Variants in PTPRZ1 observed in about 807,000 individuals in gnomAD.
PTPRZ1 encodes protein tyrosine phosphatase receptor type Z1.
In PTPRZ1, 82 loss-of-function variants were observed where a neutral mutation model predicts 214.1. The ratio of observed to expected loss-of-function variants is 0.38; its 90% CI spans 0.32 to 0.46. The LOEUF is 0.46. PTPRZ1 is among the 20% of genes least tolerant of loss of function. The pLI, the probability that PTPRZ1 is intolerant of heterozygous loss-of-function variation, is 1.00. For synonymous variants in PTPRZ1, 945 were observed against 987.9 expected (o/e 0.96, Z 0.81); for missense variants, 2,603 against 2,748.7 (o/e 0.95, Z 1.19).
intron 29 of PTPRZ1, 86 bp from the exon 30 acceptor site, chr7:122,060,994 A>T: frequency 1.5e-6 from 2 of 1,358,300 alleles, no homozygotes; most frequent in South Asian, 2.9e-5. Flanking sequence ...ACAGTGCTGA[A>T]GTGTGTCTAA....
chr7:121,967,188 G>A (rs1208887431), intron 2 of PTPRZ1, among the ~76,000 whole-genome samples: 1 of 152,112 alleles, frequency 6.6e-6, no homozygotes, highest in Non-Finnish European at 1.5e-5. Flanking sequence ...TTTAGAGGAC[G>A]CTTCATACTG....
intron 2 of PTPRZ1, among the ~76,000 whole-genome samples, chr7:121,941,780 G>A (rs1031055994): frequency 2.0e-5 from 3 of 152,164 alleles, no homozygotes; most frequent in Non-Finnish European, 4.4e-5. Context: ...ACTGTACCAG[G>A]TGAACTTCTT....
chr7:121,985,325 C>T (rs746869489), intron 8 of PTPRZ1, among the ~76,000 whole-genome samples: 1 of 152,022 alleles, frequency 6.6e-6, no homozygotes, highest in Non-Finnish European at 1.5e-5. Context: ...TATAATAGAC[C>T]AAATTACTAA....
intron 10 of PTPRZ1, among the ~76,000 whole-genome samples, chr7:122,000,965 T>C (rs1413350547): frequency 1.3e-5 from 2 of 151,936 alleles, no homozygotes; most frequent in Non-Finnish European, 2.9e-5. Flanking sequence ...ATCACAGGCG[T>C]GAGCCACCGC....
Position 122,013,739 on chromosome 7 carries a change from T to A in PTPRZ1, c.4693T>A (p.Ser1565Thr), listed in dbSNP as rs1213519317. 2.5e-6 allele frequency: 4 copies of A among 1,614,124 alleles called. No homozygotes were observed. The South Asian group carries it at 4.4e-5, about 18-fold the overall frequency. Residue 1565 changes from serine (S) to threonine (T), a missense_variant, in exon 12 of 30, where the codon TCC becomes ACC. By Grantham distance (58) the Ser-to-Thr change is moderately conservative. Transcript: ENST00000393386. ...AGATAGCCTTAATGAGAATGAGACT[T>A]CCACAGATTTCAGTTTTGCAGACAC... is the stretch of plus-strand genomic sequence containing the variant. ...TSDSLNENET[S>T]TDFSFADTNE...
At chr7:122,057,851 T>C (rs1256890847) in intron 27 of PTPRZ1, among the ~76,000 whole-genome samples, 2 of 151,786 alleles carry the variant, frequency 1.3e-5, no homozygotes, top group East Asian at 3.8e-4. Flanking sequence ...TGTATTATAT[T>C]TTGTGAGACA....
chr7:121,903,964 T>TCACACACACACACA (rs200372497), intron 1 of PTPRZ1, among the ~76,000 whole-genome samples: 1 of 81,616 alleles, frequency 1.2e-5, no homozygotes, highest in African/African-American at 5.6e-5. Context: ...AGTCTTTAAA[T>TCACACACACACACA]CTCACACACA....
At chr7:122,028,880 T>A (rs1278001064) in intron 14 of PTPRZ1, among the ~76,000 whole-genome samples, 1 of 152,080 alleles carries the variant, frequency 6.6e-6, no homozygotes, top group East Asian at 1.9e-4. Context: ...AGTTTATAAT[T>A]GTTCAGGTGT....
At chr7:121,929,503 GAAAA>G (rs10717646) in intron 2 of PTPRZ1, among the ~76,000 whole-genome samples, 82 of 141,964 alleles carry the variant, frequency 5.8e-4, no homozygotes, top group African/African-American at 2.0e-3. Flanking sequence ...TACCGAGTAG[GAAAA>G]AAAAAAAAAA....
chr7:121,962,413 A>G (rs1057283668), intron 2 of PTPRZ1, among the ~76,000 whole-genome samples: 2 of 151,376 alleles, frequency 1.3e-5, no homozygotes, highest in Non-Finnish European at 2.9e-5. Context: ...GCACCACTGC[A>G]CTCCAGCCTG....
intron 21 of PTPRZ1, among the ~76,000 whole-genome samples, chr7:122,041,646 T>G (rs1799736689): frequency 6.6e-6 from 1 of 152,210 alleles, no homozygotes. Flanking sequence ...ATAATAGCAG[T>G]TAATATTTAT....
At chr7:121,928,048 T>C in intron 1 of PTPRZ1, 108 bp from the exon 2 acceptor site, 1 of 766,110 alleles carries the variant, frequency 1.3e-6, no homozygotes. Context: ...GAAGATGACA[T>C]GGAAAGGAGT....
Position 122,058,231 on chromosome 7 carries a change from A to T in PTPRZ1, c.6529-569A>T, listed in dbSNP as rs113346560. On this transcript the variant is annotated intron_variant, in intron 27 of 29. Transcript: ENST00000393386. ...TTTTTAAAAAAGGTATCATTTTTTT[A>T]AAAAAGTACACTTTTGGAAGCTGGA... Among the ~76,000 whole-genome samples the T allele has an allele frequency of 5.4e-3, 823 of 151,984 alleles. 7 individuals carry two copies. Among genetic ancestry groups the T allele is most frequent in the African/African-American group, 0.019 (783 of 41,496 alleles).
At chr7:121,918,045 TAA>T (rs76675001) in intron 1 of PTPRZ1, among the ~76,000 whole-genome samples, 7 of 142,456 alleles carry the variant, frequency 4.9e-5, no homozygotes, top group South Asian at 2.2e-4. Context: ...CTAGACCGGC[TAA>T]AAAAAAAAAA....
intron 10 of PTPRZ1, among the ~76,000 whole-genome samples, chr7:122,004,218 A>G (rs1315575342): frequency 1.3e-5 from 2 of 152,186 alleles, no homozygotes; most frequent in Non-Finnish European, 2.9e-5. Flanking sequence ...TTCCCCAACC[A>G]TGCTTTTATC....
At chr7:121,941,870 A>T (rs1796247416) in intron 2 of PTPRZ1, among the ~76,000 whole-genome samples, 2 of 152,140 alleles carry the variant, frequency 1.3e-5, no homozygotes, top group South Asian at 4.1e-4. Flanking sequence ...TTAGTGTGAA[A>T]ATATATTCTC....
intron 1 of PTPRZ1, among the ~76,000 whole-genome samples, chr7:121,913,297 C>T (rs1194180990): frequency 6.6e-6 from 1 of 152,160 alleles, no homozygotes; most frequent in African/African-American, 2.4e-5. Flanking sequence ...AGGCTTCCCA[C>T]TCAGTGTGCT....
intron 28 of PTPRZ1, 90 bp downstream of exon 28, chr7:122,059,032 G>A: frequency 8.0e-7 from 1 of 1,247,616 alleles, no homozygotes; most frequent in East Asian, 2.5e-5. Context: ...TAATGCTTTG[G>A]ACCCACTGTG....
At chr7:121,887,696 G>A (rs1274151523) in intron 1 of PTPRZ1, among the ~76,000 whole-genome samples, 1 of 152,126 alleles carries the variant, frequency 6.6e-6, no homozygotes, top group East Asian at 1.9e-4. Flanking sequence ...AGAAACACGA[G>A]AGAAAGAGAA....
Sources: gnomAD v4.1 joint callset for allele counts (sites outside exome capture counted in the v4.1 genomes callset) on GRCh38, gnomAD v4.1.1 for gene constraint, MANE v1.5 for transcripts, NCBI Gene and HGNC (gene_info 2026-07-23, HGNC 2026-07-21) for gene names.